Variants in CCSER1 observed in about 807,000 individuals in gnomAD.
The protein encoded by CCSER1 is serine-rich coiled-coil domain-containing protein 1.
In CCSER1, 41 loss-of-function variants were observed where a neutral mutation model predicts 82.0. That is an observed-to-expected ratio of 0.50 (90% CI 0.39 to 0.65). The LOEUF (loss-of-function observed/expected upper bound fraction) is 0.65. Among genes scored for constraint, CCSER1 ranks in the 30% least tolerant of loss-of-function variants. The pLI, the probability that CCSER1 is intolerant of heterozygous loss-of-function variation, is 0.00. For missense variants in CCSER1, 1,119 were observed against 1,064.2 expected, an observed-to-expected ratio of 1.05 and a Z score of -0.72; for synonymous variants, 414 against 383.9, an observed-to-expected ratio of 1.08 and a Z score of -0.92.
At chr4:91,469,649 C>T (rs1047553196) in intron 10 of CCSER1, among the ~76,000 whole-genome samples, 13 of 152,156 alleles carry the variant, frequency 8.5e-5, no homozygotes, top group African/African-American at 3.1e-4. Flanking sequence ...ACTCAATGCT[C>T]TGTGTACAAA....
chr4:91,469,882 A>C (rs757103055), intron 10 of CCSER1, among the ~76,000 whole-genome samples: 1 of 152,212 alleles, frequency 6.6e-6, no homozygotes, highest in African/African-American at 2.4e-5. Flanking sequence ...TTAGCAAGTG[A>C]ACTTGCTAAA....
At chr4:90,822,615 C>A (rs1759892464) in intron 8 of CCSER1, among the ~76,000 whole-genome samples, 1 of 151,474 alleles carries the variant, frequency 6.6e-6, no homozygotes, top group Non-Finnish European at 1.5e-5. Flanking sequence ...GTAATCCCAG[C>A]CACTCCCGAG....
intron 1 of CCSER1, among the ~76,000 whole-genome samples, chr4:90,272,274 A>G (rs1020667749): frequency 6.6e-5 from 10 of 152,204 alleles, no homozygotes; most frequent in Non-Finnish European, 1.2e-4. Context: ...ACATTTGTCA[A>G]GACATGCAAA....
chr4:90,682,308 T>G (rs369005344), intron 6 of CCSER1, among the ~76,000 whole-genome samples: 1 of 152,010 alleles, frequency 6.6e-6, no homozygotes, highest in Non-Finnish European at 1.5e-5. Context: ...TTAAAATTTA[T>G]TAGTGGCTTA....
chr4:90,948,033 G>C (rs1206100407), intron 9 of CCSER1, among the ~76,000 whole-genome samples: 1 of 151,920 alleles, frequency 6.6e-6, no homozygotes, highest in Non-Finnish European at 1.5e-5. Context: ...TACTTAATTA[G>C]AAAATTGTCT....
intron 9 of CCSER1, among the ~76,000 whole-genome samples, chr4:91,003,328 G>C (rs1380606975): frequency 6.6e-6 from 1 of 152,174 alleles, no homozygotes; most frequent in Non-Finnish European, 1.5e-5. Flanking sequence ...AGGGTTGGTA[G>C]GGAGGGACCA....
At chr4:91,107,897 G>C (rs1454819178) in intron 10 of CCSER1, 1 of 152,090 alleles carries the variant, frequency 6.6e-6, no homozygotes, top group Non-Finnish European at 1.5e-5. Flanking sequence ...TAGGGATTGA[G>C]TGAGGAAAAT....
chr4:90,469,089 A>G (rs1343292898), intron 5 of CCSER1, among the ~76,000 whole-genome samples: 1 of 152,086 alleles, frequency 6.6e-6, no homozygotes, highest in Non-Finnish European at 1.5e-5. Flanking sequence ...TGATTAGGTG[A>G]TATAAGGGGC....
At chr4:91,441,275 A>G (rs1755116802) in intron 10 of CCSER1, among the ~76,000 whole-genome samples, 1 of 152,098 alleles carries the variant, frequency 6.6e-6, no homozygotes, top group African/African-American at 2.4e-5. Context: ...ATCCACCATG[A>G]TCAAGTGGGC....
At chr4:91,109,834 G>T (rs1196203168) in intron 10 of CCSER1, among the ~76,000 whole-genome samples, 1 of 152,026 alleles carries the variant, frequency 6.6e-6, no homozygotes, top group African/African-American at 2.4e-5. Context: ...GGAGCCCATG[G>T]TTTCACAAAG....
chr4:91,103,045 G>A (rs1364955977), intron 10 of CCSER1, among the ~76,000 whole-genome samples: 1 of 151,718 alleles, frequency 6.6e-6, no homozygotes, highest in Non-Finnish European at 1.5e-5. Context: ...TTTAATTTTT[G>A]GCATTGCTGT....
intron 6 of CCSER1, among the ~76,000 whole-genome samples, chr4:90,718,994 G>T (rs2149356667): frequency 6.6e-6 from 1 of 152,038 alleles, no homozygotes; most frequent in Non-Finnish European, 1.5e-5. Flanking sequence ...TGTCCTTTTT[G>T]TTATTCCCGA....
intron 3 of CCSER1, among the ~76,000 whole-genome samples, chr4:90,316,486 T>C (rs2153483850): frequency 6.6e-6 from 1 of 152,304 alleles, no homozygotes; most frequent in South Asian, 2.1e-4. Context: ...AATCTGAACT[T>C]AAAATGCGGT....
chr4:90,781,446 A>G (rs1753766712), intron 7 of CCSER1: 1 of 985,060 alleles, frequency 1.0e-6, no homozygotes, highest in South Asian at 4.7e-5. Context: ...TTTCTTTAAA[A>G]TCAAATTTAA....
chr4:90,363,326 A>C (rs1745707617), intron 3 of CCSER1, among the ~76,000 whole-genome samples: 1 of 152,114 alleles, frequency 6.6e-6, no homozygotes, highest in Non-Finnish European at 1.5e-5. Flanking sequence ...AATATATTTA[A>C]TTTTTCTGTT....
At chr4:91,310,668 A>AT (rs1222635407) in intron 10 of CCSER1, among the ~76,000 whole-genome samples, 2 of 151,934 alleles carry the variant, frequency 1.3e-5, no homozygotes, top group African/African-American at 4.8e-5. Flanking sequence ...CTAAGGGTAC[A>AT]TGTTCTTTTG....
At chr4:90,846,417 T>C (rs10009811) in intron 8 of CCSER1, among the ~76,000 whole-genome samples, 30,228 of 152,168 alleles carry the variant, frequency 0.2, 3,105 homozygotes, top group Non-Finnish European at 0.22. Flanking sequence ...TATAGACACC[T>C]GCCCATCATA....
At chr4:90,128,758 A>C (rs1248128627) in intron 1 of CCSER1, among the ~76,000 whole-genome samples, 3 of 152,048 alleles carry the variant, frequency 2.0e-5, no homozygotes, top group Non-Finnish European at 2.9e-5. Context: ...GTGAGAAGAA[A>C]GGCTATTTAT....
intron 6 of CCSER1, among the ~76,000 whole-genome samples, chr4:90,639,343 A>G (rs1726060424): frequency 6.6e-6 from 1 of 151,996 alleles, no homozygotes; most frequent in South Asian, 2.1e-4. Flanking sequence ...ATTTTTAATA[A>G]AAGCCATACT....
Sources: allele counts gnomAD v4.1 joint callset (sites outside exome capture counted in the v4.1 genomes callset), GRCh38; gene constraint gnomAD v4.1.1; transcripts MANE v1.5; gene names NCBI Gene and HGNC (gene_info 2026-07-23, HGNC 2026-07-21).